The following DENND5A variants were observed in gnomAD, a reference collection of about 807,000 sequenced individuals.
DENND5A encodes DENN domain containing 5A.
DENND5A carries 64 observed loss-of-function variants against 140.3 expected under a neutral mutation model. The observed-to-expected ratio is 0.46, with a 90% CI of 0.37 to 0.56. The LOEUF (loss-of-function observed/expected upper bound fraction) is 0.56, where lower values mean the gene tolerates loss of function less well. DENND5A is among the 20% of genes least tolerant of loss of function. The pLI is 0.00. For synonymous variants in DENND5A, 605 were observed against 607.7 expected (o/e 1.00, Z 0.07); for missense variants, 1,292 against 1,593.8 (o/e 0.81, Z 3.22).
At chr11:9,157,174 A>G (rs1484214213) in intron 12 of DENND5A, among the ~76,000 whole-genome samples, 1 of 152,236 alleles carries the variant, frequency 6.6e-6, no homozygotes, top group Non-Finnish European at 1.5e-5. Context: ...TAAAAGGATT[A>G]TATGTATTCT....
At chr11:9,167,755 G>A (rs955632404) in intron 10 of DENND5A, among the ~76,000 whole-genome samples, 4 of 152,038 alleles carry the variant, frequency 2.6e-5, no homozygotes, top group African/African-American at 9.7e-5. Context: ...GTGAGCCAAG[G>A]TTACACCATT....
intron 1 of DENND5A, among the ~76,000 whole-genome samples, chr11:9,230,116 A>G (rs1325578754): frequency 3.3e-5 from 5 of 150,570 alleles, no homozygotes; most frequent in Non-Finnish European, 7.4e-5. Context: ...TCACCGTGTT[A>G]GCCAGGATGG....
At chr11:9,240,712 AAC>A (rs1210766028) in intron 1 of DENND5A, among the ~76,000 whole-genome samples, 10 of 151,586 alleles carry the variant, frequency 6.6e-5, no homozygotes, top group Non-Finnish European at 8.8e-5. Context: ...CCTGTCTCAA[AAC>A]AAAAAAAAAG....
intron 4 of DENND5A, chr11:9,203,446 C>A: frequency 2.0e-6 from 1 of 511,626 alleles, no homozygotes; most frequent in Non-Finnish European, 3.5e-6. Flanking sequence ...CCCTCCAAGA[C>A]TGGAATGCCC....
At chr11:9,152,896 C>A (rs950760682) in intron 12 of DENND5A, among the ~76,000 whole-genome samples, 1 of 151,318 alleles carries the variant, frequency 6.6e-6, no homozygotes, top group African/African-American at 2.4e-5. Flanking sequence ...CCCAGCTACT[C>A]AGGAGGCAGG....
At chr11:9,170,269 G>A (rs753939967) in intron 9 of DENND5A, 16 of 984,476 alleles carry the variant, frequency 1.6e-5, no homozygotes, top group Non-Finnish European at 1.9e-5. Context: ...GAGTAATTCT[G>A]CTAACTTACC....
intron 1 of DENND5A, among the ~76,000 whole-genome samples, chr11:9,247,944 T>C (rs534432588): frequency 6.6e-6 from 1 of 152,264 alleles, no homozygotes; most frequent in East Asian, 1.9e-4. Flanking sequence ...CTATGTGTCA[T>C]ATGATGCTAG....
At chr11:9,155,256 A>G (rs911365559) in intron 12 of DENND5A, among the ~76,000 whole-genome samples, 5 of 152,200 alleles carry the variant, frequency 3.3e-5, no homozygotes, top group South Asian at 4.1e-4. Flanking sequence ...TCATCCTTCC[A>G]TCTACCACAA....
chr11:9,243,980 C>T (rs992227799), intron 1 of DENND5A, among the ~76,000 whole-genome samples: 3 of 152,274 alleles, frequency 2.0e-5, no homozygotes, highest in South Asian at 2.1e-4. Flanking sequence ...ATTTAACATA[C>T]AAAATATGTG....
At chr11:9,239,107 C>CA (rs1851128498) in intron 1 of DENND5A, among the ~76,000 whole-genome samples, 1 of 152,106 alleles carries the variant, frequency 6.6e-6, no homozygotes, top group South Asian at 2.1e-4. Context: ...GCTGGGATTA[C>CA]AGGTGTGAGC....
At chr11:9,162,136 T>G (rs1848004121) in intron 11 of DENND5A, among the ~76,000 whole-genome samples, 2 of 124,596 alleles carry the variant, frequency 1.6e-5, no homozygotes, top group South Asian at 4.8e-4. Context: ...TATTTTGGCA[T>G]ATTTCTTTCC....
intron 1 of DENND5A, among the ~76,000 whole-genome samples, chr11:9,255,927 G>A (rs1204144909): frequency 1.3e-5 from 2 of 148,574 alleles, no homozygotes; most frequent in Non-Finnish European, 3.0e-5. Context: ...TCAAGAGGCT[G>A]AGGAAGGAGA....
At chr11:9,191,533 C>T (rs955758793) in intron 5 of DENND5A, among the ~76,000 whole-genome samples, 4 of 152,218 alleles carry the variant, frequency 2.6e-5, no homozygotes, top group Non-Finnish European at 2.9e-5. Flanking sequence ...AGCCACCGCA[C>T]CCGGCCAACT....
chr11:9,223,172 T>TA (rs1194283021), intron 1 of DENND5A, among the ~76,000 whole-genome samples: 2 of 151,706 alleles, frequency 1.3e-5, no homozygotes, highest in African/African-American at 2.4e-5. Flanking sequence ...GAAGATCACT[T>TA]GAGCTGAGGA....
intron 18 of DENND5A, 73 bp from the exon 19 acceptor site, chr11:9,144,351 G>C (rs1419052783): frequency 1.4e-6 from 2 of 1,471,914 alleles, no homozygotes; most frequent in Non-Finnish European, 9.4e-7. Context: ...CATCAACAAA[G>C]CCAATCCCTG....
At position 9,179,010 on chromosome 11, in the gene DENND5A, GTTC is replaced by G. The variant is rs1190169465; in HGVS notation, c.1516_1518del (p.Glu506del). Reference sequence around the variant, plus strand: ...TGAATGTTTAGCTGGTAAATCCTGAGTTCTTCTTCATCACACTGAACTTTGAGA... The same window carrying G: ...TGAATGTTTAGCTGGTAAATCCTGAGTTCTTCATCACACTGAACTTTGAGA... On this transcript the variant is annotated inframe_deletion, in exon 7 of 23. Transcript: ENST00000328194. 6 of 1,614,020 alleles carry G rather than the reference GTTC, an allele frequency of 3.7e-6. No individual in the cohort carries two copies. Among genetic ancestry groups the G allele is most frequent in the Admixed American group, 1.7e-5 (1 of 60,000 alleles).
intron 8 of DENND5A, among the ~76,000 whole-genome samples, chr11:9,173,032 G>A (rs1848425747): frequency 6.6e-6 from 1 of 151,194 alleles, no homozygotes; most frequent in Non-Finnish European, 1.5e-5. Context: ...CACCATGTTG[G>A]CCAGGCTGGT....
Position 9,144,969 on chromosome 11 carries a change from A to T in DENND5A, c.3122+26T>A, listed in dbSNP as rs1301247012. The T allele has an allele frequency of 2.6e-6, 4 of 1,511,108 alleles. No homozygotes were observed. In the Admixed American group the frequency reaches 6.7e-5, roughly 25 times the overall value. The allele number at this position is 1,511,108 out of a possible 1,614,324, so 93.6% of individuals were successfully genotyped here. A position where few individuals can be genotyped will look rare whatever the true frequency, so the allele number is the denominator to read the frequency against. ...TCCTGTAGATACACCTTGCCCCTCT[A>T]CCTTACAGCCTGAGGGTATACTTAC... On this transcript the variant is annotated intron_variant, in intron 18 of 22. Coordinates refer to ENST00000328194, the MANE Select transcript of DENND5A (RefSeq NM_015213.4).
At chr11:9,158,455 G>C (rs1024335881) in intron 12 of DENND5A, among the ~76,000 whole-genome samples, 1 of 152,066 alleles carries the variant, frequency 6.6e-6, no homozygotes, top group South Asian at 2.1e-4. Flanking sequence ...AGCTGAGGTG[G>C]GAGACTCAGT....
Sources: gnomAD v4.1 joint callset for allele counts (sites outside exome capture counted in the v4.1 genomes callset) on GRCh38, gnomAD v4.1.1 for gene constraint, MANE v1.5 for transcripts, NCBI Gene and HGNC (gene_info 2026-07-23, HGNC 2026-07-21) for gene names.